PLD5: variants seen among roughly 807,000 people sequenced by gnomAD.
PLD5 encodes the protein inactive phospholipase D5.
A neutral mutation model predicts 61.1 loss-of-function variants in PLD5; 36 were observed. That is an observed-to-expected ratio of 0.59 (90% CI 0.45 to 0.78). The LOEUF (loss-of-function observed/expected upper bound fraction) is 0.78. Among genes scored for constraint, PLD5 ranks in the 30% least tolerant of loss-of-function variants. The pLI is 0.00. For synonymous variants in PLD5, 243 were observed against 242.8 expected, an observed-to-expected ratio of 1.00 and a Z score of -0.01; for missense variants, 515 against 644.4, an observed-to-expected ratio of 0.80 and a Z score of 2.17.
intron 5 of PLD5, among the ~76,000 whole-genome samples, chr1:242,207,731 C>T (rs1262617099): frequency 1.1e-4 from 14 of 127,786 alleles, no homozygotes; most frequent in Non-Finnish European, 1.9e-4. Context: ...TTATGGAAAT[C>T]GATGTTTTAT....
chr1:242,319,355 C>T (rs895745219), intron 2 of PLD5, among the ~76,000 whole-genome samples: 12 of 149,986 alleles, frequency 8.0e-5, no homozygotes, highest in African/African-American at 2.5e-5. Flanking sequence ...TATATATAGT[C>T]CCTATAAATA....
chr1:242,232,882 C>T (rs1003611640), intron 4 of PLD5, among the ~76,000 whole-genome samples: 18 of 151,812 alleles, frequency 1.2e-4, no homozygotes, highest in African/African-American at 3.9e-4. Flanking sequence ...TGGCTGGGTG[C>T]GGTGGCTCAC....
At chr1:242,091,573 G>A (rs543690786) in intron 9 of PLD5, among the ~76,000 whole-genome samples, 5 of 152,208 alleles carry the variant, frequency 3.3e-5, no homozygotes, top group Non-Finnish European at 5.9e-5. Flanking sequence ...ATGTGCTTTC[G>A]GGATAGCTAT....
intron 5 of PLD5, among the ~76,000 whole-genome samples, chr1:242,164,053 G>A (rs897453546): frequency 6.6e-6 from 1 of 151,818 alleles, no homozygotes; most frequent in African/African-American, 2.4e-5. Context: ...GACCATGTAT[G>A]TGCAAAGGAT....
chr1:242,347,325 G>A (rs1349323715), intron 2 of PLD5, among the ~76,000 whole-genome samples: 1 of 152,142 alleles, frequency 6.6e-6, no homozygotes, highest in Non-Finnish European at 1.5e-5. Context: ...TTTATTATAA[G>A]CTCTAATTCA....
intron 5 of PLD5, among the ~76,000 whole-genome samples, chr1:242,185,286 A>G (rs940889447): frequency 9.2e-5 from 14 of 152,036 alleles, no homozygotes; most frequent in African/African-American, 2.9e-4. Context: ...GGGTGCTTCC[A>G]ACAACAACAA....
chr1:242,127,467 T>C (rs1337286229), intron 5 of PLD5, among the ~76,000 whole-genome samples: 2 of 152,170 alleles, frequency 1.3e-5, no homozygotes, highest in East Asian at 3.9e-4. Flanking sequence ...GGAATACTAC[T>C]CAGCCATAAA....
intron 1 of PLD5, among the ~76,000 whole-genome samples, chr1:242,403,949 G>T (rs905454897): frequency 1.1e-4 from 17 of 152,130 alleles, no homozygotes; most frequent in Admixed American, 1.1e-3. Flanking sequence ...CATTCCAGAG[G>T]TGGAATCTAG....
chr1:242,328,292 T>C (rs1229013917), intron 2 of PLD5, among the ~76,000 whole-genome samples: 2 of 150,568 alleles, frequency 1.3e-5, no homozygotes. Context: ...TATATATGTA[T>C]GTATGTTCTA....
rs550922866 is a variant in PLD5 at position 242,341,973 on chromosome 1, G to A, written c.326+6133C>T. Reference sequence around the variant, plus strand: ...GAAGATGAGAGGCAAGTGTGAGGAGGTCTTGAACAGAGGCTGCCATAACTA... The same window carrying A: ...GAAGATGAGAGGCAAGTGTGAGGAGATCTTGAACAGAGGCTGCCATAACTA... On this transcript the variant is annotated intron_variant, in intron 2 of 9. Coordinates refer to ENST00000536534, the MANE Select transcript of PLD5 (RefSeq NM_001372062.1). Among the ~76,000 whole-genome samples, 4 of 151,818 alleles carry A rather than the reference G, an allele frequency of 2.6e-5. No homozygotes were observed. In the South Asian group the frequency reaches 8.4e-4, roughly 32 times the overall value.
At chr1:242,383,973 C>G (rs1173739937) in intron 1 of PLD5, among the ~76,000 whole-genome samples, 1 of 152,210 alleles carries the variant, frequency 6.6e-6, no homozygotes, top group Non-Finnish European at 1.5e-5. Flanking sequence ...CTGCCTGACA[C>G]AGAGTCCCAA....
chr1:242,134,858 G>T (rs1663581874), intron 5 of PLD5, among the ~76,000 whole-genome samples: 1 of 152,200 alleles, frequency 6.6e-6, no homozygotes, highest in African/African-American at 2.4e-5. Context: ...TGTCTGTGAA[G>T]TTCCAGAAAC....
chr1:242,382,460 A>T (rs1662353757), intron 1 of PLD5, among the ~76,000 whole-genome samples: 1 of 152,152 alleles, frequency 6.6e-6, no homozygotes, highest in South Asian at 2.1e-4. Flanking sequence ...TGGGAATGTA[A>T]TTAGGTGACA....
chr1:242,321,310 T>TC (rs1491366424), intron 2 of PLD5, among the ~76,000 whole-genome samples: 2 of 132,314 alleles, frequency 1.5e-5, no homozygotes, highest in South Asian at 2.2e-4. Context: ...TCTCTCTCTC[T>TC]TTTTTTTTTT....
intron 5 of PLD5, among the ~76,000 whole-genome samples, chr1:242,202,755 T>A (rs774845831): frequency 1.3e-5 from 2 of 152,178 alleles, no homozygotes; most frequent in South Asian, 4.1e-4. Flanking sequence ...TTAATAAAAA[T>A]TTTTAAAGCA....
At chr1:242,394,016 C>T (rs1236875183) in intron 1 of PLD5, among the ~76,000 whole-genome samples, 3 of 143,510 alleles carry the variant, frequency 2.1e-5, no homozygotes, top group East Asian at 2.1e-4. Context: ...GCTGAGATCA[C>T]GCCACTGAAC....
intron 5 of PLD5, among the ~76,000 whole-genome samples, chr1:242,189,705 T>C (rs542680941): frequency 6.6e-6 from 1 of 152,252 alleles, no homozygotes; most frequent in Admixed American, 6.5e-5. Flanking sequence ...TTAGGTAATA[T>C]GGCAGAGAGT....
intron 1 of PLD5, among the ~76,000 whole-genome samples, chr1:242,498,361 A>C (rs1350262804): frequency 6.6e-6 from 1 of 152,152 alleles, no homozygotes; most frequent in African/African-American, 2.4e-5. Context: ...TCCTCATCCC[A>C]TTACTCAGCA....
At chr1:242,494,177 T>C (rs1668284822) in intron 1 of PLD5, among the ~76,000 whole-genome samples, 1 of 148,696 alleles carries the variant, frequency 6.7e-6, no homozygotes, top group African/African-American at 2.5e-5. Context: ...CTTCCTGACT[T>C]TTCTTCCTTC....
Sources: allele counts gnomAD v4.1 joint callset (sites outside exome capture counted in the v4.1 genomes callset), GRCh38; gene constraint gnomAD v4.1.1; transcripts MANE v1.5; gene names NCBI Gene and HGNC (gene_info 2026-07-23, HGNC 2026-07-21).